The following CCDC9 variants were observed in gnomAD, a reference collection of about 807,000 sequenced individuals.
CCDC9 encodes the protein coiled-coil domain containing 9.
A neutral mutation model predicts 65.6 loss-of-function variants in CCDC9; 52 were observed. The observed-to-expected ratio is 0.79, with a 90% CI of 0.63 to 1.00. The LOEUF (loss-of-function observed/expected upper bound fraction) is 1.00. Ranked by LOEUF, CCDC9 falls within the 50% of genes least tolerant of loss-of-function variation. The pLI, the probability that CCDC9 is intolerant of heterozygous loss-of-function variation, is 0.00. For missense variants in CCDC9, 834 were observed against 757.2 expected (o/e 1.10, Z -1.19); for synonymous variants, 332 against 280.3 (o/e 1.18, Z -1.84).
downstream of CCDC9, among the ~76,000 whole-genome samples, chr19:47,272,856 A>G (rs1383289147): frequency 6.6e-6 from 1 of 152,186 alleles, no homozygotes; most frequent in African/African-American, 2.4e-5. Context: ...CTCTCCACCT[A>G]CACTCCGTAG....
intron 7 of CCDC9, chr19:47,266,329 T>C (rs1293234308): frequency 7.8e-6 from 3 of 383,214 alleles, no homozygotes; most frequent in African/African-American, 6.2e-5. Context: ...CCTGCCTTGA[T>C]GAGGTTTCTT....
At chr19:47,268,344 C>T (rs1346203178) in intron 8 of CCDC9, among the ~76,000 whole-genome samples, 1 of 152,174 alleles carries the variant, frequency 6.6e-6, no homozygotes, top group Non-Finnish European at 1.5e-5. Flanking sequence ...CCTCATCCCC[C>T]ATTCTTTCCT....
chr19:47,266,807 C>G lies in CCDC9; in HGVS notation c.902+15C>G, dbSNP rs373431331. 3 of 1,595,112 alleles carry G rather than the reference C, an allele frequency of 1.9e-6. No individual in the cohort carries two copies. Among genetic ancestry groups the G allele is most frequent in the South Asian group, 1.1e-5 (1 of 87,804 alleles). On this transcript the variant is annotated intron_variant, in intron 8 of 11. Transcript: ENST00000221922. ...ACCGATGGGATGTGAGTCTCCTCCC[C>G]GCTCCTCTCCCCATGTGGCACGTTG...
rs1208672039 is a variant in CCDC9, at chr19:47,265,988, T to C, written c.721-623T>C. 4.0e-3 allele frequency among the ~76,000 whole-genome samples: 287 copies of C among 72,270 alleles called. 37 individuals carry two copies. Among genetic ancestry groups the C allele is most frequent in the Non-Finnish European group, 5.6e-3 (198 of 35,286 alleles). The allele number at this position is 72,270 out of a possible 152,430, so 47.4% of individuals were successfully genotyped here. On this transcript the variant is annotated intron_variant, in intron 7 of 11. Coordinates refer to ENST00000221922, the MANE Select transcript of CCDC9 (RefSeq NM_015603.3). Reference sequence around the variant, plus strand: ...GGCGTGAGCCACCGCTCCTGGCTTTTTTTTTTTTTTTTTTTTTTTTTTTTT... The same window carrying C: ...GGCGTGAGCCACCGCTCCTGGCTTTCTTTTTTTTTTTTTTTTTTTTTTTTT...
intron 8 of CCDC9, among the ~76,000 whole-genome samples, chr19:47,269,157 C>G (rs1235994818): frequency 6.6e-6 from 1 of 151,972 alleles, no homozygotes; most frequent in Non-Finnish European, 1.5e-5. Flanking sequence ...TATTTGAGTC[C>G]TCCTCTATGT....
intron 1 of CCDC9, 155 bp from the exon 2 acceptor site, chr19:47,258,175 T>C (rs1249139664): frequency 8.4e-6 from 5 of 595,524 alleles, no homozygotes; most frequent in Non-Finnish European, 1.5e-5. Context: ...ATGGAGAAGA[T>C]GGAGGTGGCA....
chr19:47,267,117 A>C (rs541945242), intron 8 of CCDC9, among the ~76,000 whole-genome samples: 1 of 151,708 alleles, frequency 6.6e-6, no homozygotes, highest in Non-Finnish European at 1.5e-5. Context: ...GGCGTCCGCC[A>C]CCACGTCCAA....
downstream of CCDC9, chr19:47,273,898 G>A (rs1007175680): frequency 1.1e-6 from 1 of 877,900 alleles, no homozygotes; most frequent in Non-Finnish European, 1.4e-6. Flanking sequence ...CTTTTCTGTG[G>A]CGGAAGAGGC....
chr19:47,268,526 C>T (rs1258111374), intron 8 of CCDC9, among the ~76,000 whole-genome samples: 1 of 152,146 alleles, frequency 6.6e-6, no homozygotes, highest in Non-Finnish European at 1.5e-5. Context: ...AAGGAGGAGG[C>T]AGCTGGGCTT....
chr19:47,266,595 G>C lies in CCDC9; in HGVS notation c.721-16G>C. 1 of 1,508,184 alleles carries C rather than the reference G, an allele frequency of 6.6e-7. No individual in the cohort carries two copies. The highest frequency in any genetic ancestry group is 8.9e-7 in the Non-Finnish European group (1 of 1,121,604). 93.4% of individuals were successfully genotyped at this position (1,508,184 alleles called of 1,614,324 possible). On this transcript the variant is annotated splice_polypyrimidine_tract_variant and intron_variant, in intron 7 of 11. Coordinates refer to ENST00000221922, the MANE Select transcript of CCDC9 (RefSeq NM_015603.3). ...GTGCGGGACATCACCCTGACTCCCT[G>C]TGGGCTGGGGGGCAGGGCCGCCGAG...
intron 5 of CCDC9, 136 bp from the exon 6 acceptor site, chr19:47,264,467 C>G (rs141726896): frequency 7.6e-6 from 6 of 784,792 alleles, no homozygotes; most frequent in Non-Finnish European, 1.3e-5. Flanking sequence ...ACCTGGAGCA[C>G]GCTGAGAGCA....
intron 8 of CCDC9, among the ~76,000 whole-genome samples, chr19:47,267,063 C>G (rs1273959910): frequency 1.3e-5 from 2 of 151,258 alleles, no homozygotes; most frequent in Admixed American, 1.3e-4. Flanking sequence ...CTCCCAGGTT[C>G]ACACCACTCT....
intron 3 of CCDC9, among the ~76,000 whole-genome samples, chr19:47,259,774 T>G (rs2059032901): frequency 6.6e-6 from 1 of 152,168 alleles, no homozygotes; most frequent in Non-Finnish European, 1.5e-5. Flanking sequence ...GATTCTGCCG[T>G]AGTGGAGGAA....
downstream of CCDC9, chr19:47,272,279 A>T: frequency 3.6e-6 from 2 of 551,176 alleles, no homozygotes; most frequent in Admixed American, 5.6e-5. Context: ...TGGACCATAG[A>T]GGTGAGGTGA....
intron 8 of CCDC9, among the ~76,000 whole-genome samples, chr19:47,267,267 C>T (rs3786710): frequency 0.43 from 65,839 of 151,464 alleles, 14,889 homozygotes; most frequent in East Asian, 0.67. Flanking sequence ...CGCGGCCGAG[C>T]ATTTCTGGTT....
At chr19:47,275,167 C>T (rs752476653), downstream of CCDC9, 20 of 1,470,804 alleles carry the variant, frequency 1.4e-5, 1 homozygote, top group South Asian at 1.6e-4. Flanking sequence ...CCGGGCGTGC[C>T]GCCTGTCCCG....
rs1471027035 is a variant in CCDC9 at position 47,267,117 on chromosome 19, ACCACGT to A, written c.902+329_902+334del. Among the ~76,000 whole-genome samples the A allele has an allele frequency of 9.2e-5, 14 of 151,828 alleles. No individual in the cohort carries two copies. In the East Asian group the frequency reaches 2.7e-3, roughly 30 times the overall value. ...ATAGCTGGGACTACAGGCGTCCGCCACCACGTCCAACTAATTTTTTGTATTTTTAGT... is the reference window on the plus strand; with the variant it reads ...ATAGCTGGGACTACAGGCGTCCGCCACCAACTAATTTTTTGTATTTTTAGT... On this transcript the variant is annotated intron_variant, in intron 8 of 11. Coordinates refer to ENST00000221922, the MANE Select transcript of CCDC9 (RefSeq NM_015603.3).
chr19:47,272,276 T>C (rs1162466834), downstream of CCDC9: 2 of 691,346 alleles, frequency 2.9e-6, no homozygotes, highest in African/African-American at 3.8e-5. Context: ...AGTTGGACCA[T>C]AGAGGTGAGG....
chr19:47,271,038 T>C, intron 10 of CCDC9, 44 bp from the exon 11 acceptor site: 1 of 1,413,108 alleles, frequency 7.1e-7, no homozygotes, highest in Non-Finnish European at 9.6e-7. Context: ...CTTCCTCCTG[T>C]CTACTCTCCA....
Sources: gnomAD v4.1 joint callset for allele counts (sites outside exome capture counted in the v4.1 genomes callset) on GRCh38, gnomAD v4.1.1 for gene constraint, MANE v1.5 for transcripts, NCBI Gene and HGNC (gene_info 2026-07-23, HGNC 2026-07-21) for gene names.